Variants in LRRTM4 observed in about 807,000 individuals in gnomAD.
LRRTM4 encodes leucine-rich repeat transmembrane neuronal protein 4.
A neutral mutation model predicts 47.6 loss-of-function variants in LRRTM4; 25 were observed. That is an observed-to-expected ratio of 0.53 (90% CI 0.38 to 0.73). The LOEUF (loss-of-function observed/expected upper bound fraction) is 0.73. Among genes scored for constraint, LRRTM4 ranks in the 30% least tolerant of loss-of-function variants. The pLI, the probability that LRRTM4 is intolerant of heterozygous loss-of-function variation, is 0.00. For synonymous variants in LRRTM4, 311 were observed against 269.5 expected, an observed-to-expected ratio of 1.15 and a Z score of -1.51; for missense variants, 638 against 713.4, an observed-to-expected ratio of 0.89 and a Z score of 1.20.
chr2:76,765,763 A>T (rs1415588727), intron 3 of LRRTM4, among the ~76,000 whole-genome samples: 2 of 152,276 alleles, frequency 1.3e-5, no homozygotes, highest in Admixed American at 6.5e-5. Context: ...AAGCCAACCC[A>T]TCTGTGGTAT....
chr2:77,207,461 T>G (rs2103914357), intron 3 of LRRTM4, among the ~76,000 whole-genome samples: 1 of 151,270 alleles, frequency 6.6e-6, no homozygotes, highest in Middle Eastern at 3.4e-3. Flanking sequence ...ACTTAGACAT[T>G]ACCTTCTGTT....
At chr2:77,115,618 G>A (rs992613116) in intron 3 of LRRTM4, among the ~76,000 whole-genome samples, 1 of 152,098 alleles carries the variant, frequency 6.6e-6, no homozygotes, top group African/African-American at 2.4e-5. Flanking sequence ...CAAAACACAA[G>A]TCCTAAGTAT....
chr2:77,193,150 C>T (rs1327871792), intron 3 of LRRTM4, among the ~76,000 whole-genome samples: 1 of 152,106 alleles, frequency 6.6e-6, no homozygotes, highest in Admixed American at 6.5e-5. Context: ...ATTACAATTG[C>T]CTACAGTATT....
At chr2:77,106,156 T>C (rs1671087070) in intron 3 of LRRTM4, among the ~76,000 whole-genome samples, 1 of 152,182 alleles carries the variant, frequency 6.6e-6, no homozygotes, top group Non-Finnish European at 1.5e-5. Context: ...CCTGACCTCT[T>C]AATTTAAACA....
intron 3 of LRRTM4, among the ~76,000 whole-genome samples, chr2:77,071,353 A>C (rs1680149986): frequency 6.6e-6 from 1 of 152,206 alleles, no homozygotes; most frequent in African/African-American, 2.4e-5. Flanking sequence ...AGAGACCTTC[A>C]CATGCTTATT....
At chr2:77,057,665 G>A (rs989349954) in intron 3 of LRRTM4, among the ~76,000 whole-genome samples, 2 of 152,070 alleles carry the variant, frequency 1.3e-5, no homozygotes, top group Admixed American at 1.3e-4. Context: ...CAAGCAAAAC[G>A]CAAGTGCCCT....
chr2:77,194,191 T>A (rs909880898), intron 3 of LRRTM4, among the ~76,000 whole-genome samples: 15 of 152,132 alleles, frequency 9.9e-5, no homozygotes, highest in Admixed American at 9.2e-4. Flanking sequence ...TGACTATATC[T>A]TGAGTATGGC....
intron 3 of LRRTM4, among the ~76,000 whole-genome samples, chr2:77,280,916 A>G (rs750482030): frequency 9.9e-5 from 15 of 151,998 alleles, no homozygotes; most frequent in Non-Finnish European, 2.1e-4. Context: ...ATATCAGAAG[A>G]CTTGTCAAAT....
intron 3 of LRRTM4, among the ~76,000 whole-genome samples, chr2:77,008,869 G>A (rs547812016): frequency 6.6e-5 from 10 of 150,712 alleles, no homozygotes; most frequent in Non-Finnish European, 1.2e-4. Context: ...GACTGGGTTA[G>A]CACTTTCTGT....
At chr2:77,132,409 G>A (rs1304564881) in intron 3 of LRRTM4, among the ~76,000 whole-genome samples, 2 of 152,112 alleles carry the variant, frequency 1.3e-5, no homozygotes, top group Non-Finnish European at 2.9e-5. Flanking sequence ...GGACACTTAG[G>A]TTGGTTCCAT....
chr2:76,946,467 C>T (rs1029789541), intron 3 of LRRTM4, among the ~76,000 whole-genome samples: 3 of 151,606 alleles, frequency 2.0e-5, no homozygotes, highest in East Asian at 1.9e-4. Flanking sequence ...TCCAGTACTC[C>T]GACTTGTGCT....
At chr2:77,176,462 T>G (rs1673200602) in intron 3 of LRRTM4, among the ~76,000 whole-genome samples, 1 of 152,210 alleles carries the variant, frequency 6.6e-6, no homozygotes, top group Non-Finnish European at 1.5e-5. Flanking sequence ...ATGTAGGCAT[T>G]GCTCTAGTGG....
intron 3 of LRRTM4, among the ~76,000 whole-genome samples, chr2:77,029,054 T>C (rs191004075): frequency 5.0e-5 from 5 of 99,336 alleles, no homozygotes; most frequent in African/African-American, 1.0e-4. Context: ...CACACACAAA[T>C]ATATATATAT....
At chr2:76,950,668 A>C (rs1479147105) in intron 3 of LRRTM4, among the ~76,000 whole-genome samples, 1 of 152,082 alleles carries the variant, frequency 6.6e-6, no homozygotes, top group East Asian at 1.9e-4. Context: ...CAAACACTAC[A>C]TTCTGCATTT....
At chr2:77,202,156 T>C (rs1254678444) in intron 3 of LRRTM4, among the ~76,000 whole-genome samples, 1 of 152,020 alleles carries the variant, frequency 6.6e-6, no homozygotes, top group Non-Finnish European at 1.5e-5. Context: ...GAAATAAAAG[T>C]GGCCCCAGAT....
At chr2:77,423,949 TG>T (rs553372465) in intron 3 of LRRTM4, among the ~76,000 whole-genome samples, 290 of 152,308 alleles carry the variant, frequency 1.9e-3, no homozygotes, top group African/African-American at 5.1e-3. Context: ...AATGCTATCT[TG>T]TTTTTCAGCT....
intron 3 of LRRTM4, among the ~76,000 whole-genome samples, chr2:77,106,540 T>A (rs1265269893): frequency 6.6e-6 from 1 of 151,674 alleles, no homozygotes; most frequent in Non-Finnish European, 1.5e-5. Flanking sequence ...GTAACACATA[T>A]TAAAAAAAAA....
At chr2:77,256,762 G>T (rs931176135) in intron 3 of LRRTM4, among the ~76,000 whole-genome samples, 8 of 151,178 alleles carry the variant, frequency 5.3e-5, no homozygotes, top group Admixed American at 3.3e-4. Context: ...ACAGACTAAT[G>T]CAATTTGAGA....
chr2:77,330,183 C>A lies in LRRTM4; in HGVS notation c.1551+188135G>T, dbSNP rs186650445. On this transcript the variant is annotated intron_variant, in intron 3 of 3. Transcript: ENST00000409884. ...TAAATGTCACTTGAAGAGGAGTAAT[C>A]TGGGGGGGCAGGACTGTAGGTGGGG... Among the ~76,000 whole-genome samples, 54 of 152,166 alleles carry A rather than the reference C, an allele frequency of 3.5e-4. 1 individual carries two copies. The highest frequency in any genetic ancestry group is 3.1e-3 in the Admixed American group (47 of 15,288).
Sources: allele counts gnomAD v4.1 joint callset (sites outside exome capture counted in the v4.1 genomes callset), GRCh38; gene constraint gnomAD v4.1.1; transcripts MANE v1.5; gene names NCBI Gene and HGNC (gene_info 2026-07-23, HGNC 2026-07-21).